The following SHANK2 variants were observed in gnomAD, a reference collection of about 807,000 sequenced individuals.
SHANK2 encodes SH3 and multiple ankyrin repeat domains protein 2.
SHANK2 carries 43 observed loss-of-function variants against 133.7 expected under a neutral mutation model. The ratio of observed to expected loss-of-function variants is 0.32; its 90% CI spans 0.25 to 0.41. SHANK2 has a LOEUF of 0.41. Ranked by LOEUF, SHANK2 falls within the 10% of genes least tolerant of loss-of-function variation. The pLI is 1.00. For synonymous variants in SHANK2, 1,017 were observed against 952.8 expected (o/e 1.07, Z -1.24); for missense variants, 1,994 against 2,235.8 (o/e 0.89, Z 2.18).
chr11:70,863,849 G>A (rs782540146), intron 11 of SHANK2: 8 of 457,560 alleles, frequency 1.7e-5, no homozygotes, highest in South Asian at 3.1e-5. Context: ...TGAGGATGAC[G>A]ACAGCCACCT....
chr11:71,140,649 G>C (rs1191170484), intron 3 of SHANK2, among the ~76,000 whole-genome samples: 2 of 152,202 alleles, frequency 1.3e-5, no homozygotes, highest in African/African-American at 4.8e-5. Context: ...AACAGTAATG[G>C]GCCCCTTGTG....
intron 2 of SHANK2, among the ~76,000 whole-genome samples, chr11:71,158,094 T>C (rs1195566111): frequency 3.9e-5 from 6 of 152,230 alleles, no homozygotes; most frequent in African/African-American, 1.4e-4. Flanking sequence ...ACTCAAATCC[T>C]GTAGCAAACA....
At position 70,942,517 on chromosome 11, in the gene SHANK2, C is replaced by T. The variant is rs1950661905; in HGVS notation, c.1108-45950G>A. On this transcript the variant is annotated intron_variant, in intron 10 of 25. Transcript: ENST00000601538. ...AACCCAAACACCTTCCACTAGGTCC[C>T]ACCTCCCAACACCCCCACATTGAGG... is the stretch of plus-strand genomic sequence containing the variant. 1.3e-5 allele frequency: 6 copies of T among 456,376 alleles called. No homozygotes were observed. The Admixed American group carries it at 1.4e-4, about 11-fold the overall frequency. The allele number at this position is 456,376 out of a possible 1,614,324, so 28.3% of individuals were successfully genotyped here.
At chr11:70,517,515 A>G (rs1304007063) in intron 17 of SHANK2, among the ~76,000 whole-genome samples, 1 of 152,210 alleles carries the variant, frequency 6.6e-6, no homozygotes, top group African/African-American at 2.4e-5. Flanking sequence ...AGAAAACGGA[A>G]TATTAGTTAG....
intron 17 of SHANK2, among the ~76,000 whole-genome samples, chr11:70,573,539 T>C (rs1379084798): frequency 3.8e-5 from 1 of 26,496 alleles, no homozygotes; most frequent in African/African-American, 1.3e-4. Context: ...TGTGTCTGTG[T>C]GTGTGGGGGC....
intron 10 of SHANK2, among the ~76,000 whole-genome samples, chr11:70,912,697 G>A (rs1345846879): frequency 6.6e-5 from 10 of 152,292 alleles, no homozygotes; most frequent in Non-Finnish European, 8.8e-5. Context: ...GCTCCTGCAA[G>A]AAACGTCACA....
chr11:70,686,375 A>G (rs1180529406), intron 15 of SHANK2, among the ~76,000 whole-genome samples: 1 of 147,746 alleles, frequency 6.8e-6, no homozygotes, highest in Admixed American at 6.7e-5. Context: ...CCCCTCATCT[A>G]TTCATCCATC....
intron 14 of SHANK2, among the ~76,000 whole-genome samples, chr11:70,723,782 C>A (rs1332058728): frequency 6.6e-6 from 1 of 152,056 alleles, no homozygotes; most frequent in African/African-American, 2.4e-5. Flanking sequence ...TCTCCTAGAC[C>A]TGAGGAAGAG....
intron 15 of SHANK2, among the ~76,000 whole-genome samples, chr11:70,696,679 C>T (rs185131108): frequency 7.9e-5 from 12 of 152,290 alleles, no homozygotes; most frequent in Non-Finnish European, 1.5e-4. Context: ...GGGGTCTTGG[C>T]TCCTCTCCTG....
At chr11:70,711,271 G>A (rs1555026037) in intron 14 of SHANK2, among the ~76,000 whole-genome samples, 2 of 152,134 alleles carry the variant, frequency 1.3e-5, no homozygotes, top group Non-Finnish European at 2.9e-5. Flanking sequence ...AGGGTCACCC[G>A]GGTGGCAACG....
intron 14 of SHANK2, among the ~76,000 whole-genome samples, chr11:70,716,442 T>G (rs970853881): frequency 6.6e-6 from 1 of 152,192 alleles, no homozygotes. Context: ...AAAAGACCTG[T>G]TGAGCTCAAG....
chr11:71,218,713 C>T (rs1007269329), intron 2 of SHANK2, among the ~76,000 whole-genome samples: 2 of 152,140 alleles, frequency 1.3e-5, no homozygotes, highest in Admixed American at 1.3e-4. Flanking sequence ...CAAGGTCTCT[C>T]GATGGGAAAG....
intron 23 of SHANK2, 129 bp downstream of exon 23, chr11:70,490,147 G>T: frequency 1.3e-6 from 1 of 756,286 alleles, no homozygotes; most frequent in Non-Finnish European, 2.3e-6. Flanking sequence ...TGGGTGGGCT[G>T]GCAGGGCCTT....
Position 71,185,059 on chromosome 11 carries a change from C to T in SHANK2, c.-12-37721G>A, listed in dbSNP as rs558913629. The stretch of plus-strand genomic sequence containing the variant: ...CCCATTGCTCCTGCCTCCTCTCAGC[C>T]GATCAACCATCTCAAAATGTGGTGC... On this transcript the variant is annotated intron_variant, in intron 2 of 25. Coordinates refer to ENST00000601538, the MANE Select transcript of SHANK2 (RefSeq NM_012309.5). Among the ~76,000 whole-genome samples the T allele has an allele frequency of 5.3e-5, 8 of 152,288 alleles. No individual in the cohort carries two copies. In the East Asian group the frequency reaches 7.7e-4, roughly 15 times the overall value.
intron 10 of SHANK2, among the ~76,000 whole-genome samples, chr11:70,938,851 C>T (rs935670785): frequency 3.9e-5 from 6 of 152,050 alleles, no homozygotes; most frequent in East Asian, 1.9e-4. Context: ...AGGGAGGTGA[C>T]GTGATAACCG....
chr11:70,595,605 G>A (rs1204574834), intron 17 of SHANK2, among the ~76,000 whole-genome samples: 2 of 152,160 alleles, frequency 1.3e-5, no homozygotes, highest in Admixed American at 6.5e-5. Flanking sequence ...AGAACCACAG[G>A]GCTTCCACGG....
At chr11:70,636,126 A>G (rs1229934286) in intron 17 of SHANK2, among the ~76,000 whole-genome samples, 1 of 152,258 alleles carries the variant, frequency 6.6e-6, no homozygotes, top group Admixed American at 6.5e-5. Context: ...CACTCTGTCG[A>G]CAAAGGCGTG....
intron 10 of SHANK2, among the ~76,000 whole-genome samples, chr11:70,937,840 G>A (rs1950592429): frequency 1.3e-5 from 2 of 151,946 alleles, no homozygotes; most frequent in African/African-American, 4.8e-5. Context: ...AGTCCCAGAG[G>A]CAGAATCTCA....
chr11:70,876,235 C>CATAT (rs1234728022), intron 11 of SHANK2, among the ~76,000 whole-genome samples: 2 of 6,138 alleles, frequency 3.3e-4, no homozygotes, highest in African/African-American at 5.2e-4. Flanking sequence ...TACACACACA[C>CATAT]ACATATAGAC....
Sources: gnomAD v4.1 joint callset for allele counts (sites outside exome capture counted in the v4.1 genomes callset) on GRCh38, gnomAD v4.1.1 for gene constraint, MANE v1.5 for transcripts, NCBI Gene and HGNC (gene_info 2026-07-23, HGNC 2026-07-21) for gene names.